EMSY: variants seen among roughly 807,000 people sequenced by gnomAD.
EMSY encodes EMSY transcriptional repressor, BRCA2 interacting.
A neutral mutation model predicts 134.6 loss-of-function variants in EMSY; 26 were observed. The observed-to-expected ratio is 0.19, with a 90% confidence interval of 0.14 to 0.27. EMSY has a LOEUF of 0.27. Ranked by LOEUF, EMSY falls within the 10% of genes least tolerant of loss-of-function variation. EMSY has a pLI of 1.00. For missense variants in EMSY, 1,305 were observed against 1,611.4 expected (o/e 0.81, Z 3.26); for synonymous variants, 579 against 577.8 (o/e 1.00, Z -0.03).
exon 21 of EMSY, chr11:76,550,305 T>TGG: frequency 2.1e-6 from 1 of 478,608 alleles, no homozygotes. Flanking sequence ...GAGCAGCTTT[T>TGG]TAAAACAAGA....
chr11:76,504,262 G>T (rs1333058835), intron 9 of EMSY, among the ~76,000 whole-genome samples: 1 of 149,824 alleles, frequency 6.7e-6, no homozygotes, highest in East Asian at 1.9e-4. Context: ...ACATGTACAT[G>T]TAAAATGGTA....
At chr11:76,532,351 G>GT (rs201396066) in intron 14 of EMSY, among the ~76,000 whole-genome samples, 1,748 of 132,254 alleles carry the variant, frequency 0.013, 8 homozygotes, top group African/African-American at 0.022. Context: ...AGTCCAAAAT[G>GT]TTTTTTTTTT....
chr11:76,518,703 A>ATATAT (rs57143914), intron 11 of EMSY, among the ~76,000 whole-genome samples: 58 of 130,194 alleles, frequency 4.5e-4, no homozygotes, highest in Middle Eastern at 4.1e-3. Flanking sequence ...ATATATATAT[A>ATATAT]TTTTTTTTTT....
At chr11:76,487,057 C>T (rs926491165) in intron 8 of EMSY, among the ~76,000 whole-genome samples, 3 of 152,170 alleles carry the variant, frequency 2.0e-5, no homozygotes, top group Non-Finnish European at 4.4e-5. Flanking sequence ...GCAGGCGGAT[C>T]ACTAGACCAG....
At chr11:76,538,292 G>A (rs1296326175) in intron 16 of EMSY, among the ~76,000 whole-genome samples, 7 of 152,062 alleles carry the variant, frequency 4.6e-5, no homozygotes, top group Admixed American at 3.3e-4. Flanking sequence ...AGGGTCTCAC[G>A]CCCATCGCTC....
At chr11:76,472,764 A>G in exon 8 of EMSY, 1 of 1,614,110 alleles carries the variant, frequency 6.2e-7, no homozygotes, top group Non-Finnish European at 8.5e-7. Context: ...CTACACCATC[A>G]CCTATTCCTA....
chr11:76,491,177 C>CTTTT (rs61688457), intron 8 of EMSY, among the ~76,000 whole-genome samples: 1 of 129,916 alleles, frequency 7.7e-6, no homozygotes, highest in Non-Finnish European at 1.6e-5. Flanking sequence ...CTTCTTTTTT[C>CTTTT]TTTTTTTTTT....
intron 15 of EMSY, 52 bp from the exon 17 acceptor site, chr11:76,537,743 T>C: frequency 1.3e-6 from 2 of 1,489,496 alleles, no homozygotes; most frequent in African/African-American, 1.4e-5. Context: ...AACTCTGGTT[T>C]TGGTACTTGT....
chr11:76,545,941 G>A (rs1462202297), exon 20 of EMSY: 3 of 1,614,166 alleles, frequency 1.9e-6, no homozygotes, highest in Non-Finnish European at 2.5e-6. Flanking sequence ...TCCCATTCAG[G>A]CCTCTGAGAA....
chr11:76,513,214 TAAGA>T (rs1950337380), intron 9 of EMSY, among the ~76,000 whole-genome samples, 168 bp from the exon 11 acceptor site: 1 of 152,152 alleles, frequency 6.6e-6, no homozygotes, highest in Admixed American at 6.6e-5. Flanking sequence ...AGAAATAAAC[TAAGA>T]AAGATAGGAA....
intron 8 of EMSY, among the ~76,000 whole-genome samples, chr11:76,483,376 A>G (rs1590858180): frequency 6.6e-6 from 1 of 152,222 alleles, no homozygotes; most frequent in Non-Finnish European, 1.5e-5. Flanking sequence ...TGGCATCATA[A>G]TGACAGGATC....
chr11:76,511,034 G>T (rs1018580344), intron 9 of EMSY, among the ~76,000 whole-genome samples: 1 of 152,098 alleles, frequency 6.6e-6, no homozygotes, highest in Non-Finnish European at 1.5e-5. Flanking sequence ...ATTTTTACCA[G>T]CTTCACTGGG....
chr11:76,445,456 G>C (rs1379531017), intron 1 of EMSY, among the ~76,000 whole-genome samples: 3 of 152,178 alleles, frequency 2.0e-5, no homozygotes, highest in Non-Finnish European at 2.9e-5. Flanking sequence ...ACAGCTACTG[G>C]CCCAGAGGGG....
intron 4 of EMSY, among the ~76,000 whole-genome samples, chr11:76,455,134 C>T (rs747151166): frequency 2.8e-4 from 42 of 152,054 alleles, no homozygotes; most frequent in Non-Finnish European, 5.3e-4. Context: ...TTGACCTCTC[C>T]CTTTCCCTCC....
At chr11:76,513,449 C>T (rs1264466945) in exon 10 of EMSY, 5 of 1,613,644 alleles carry the variant, frequency 3.1e-6, no homozygotes, top group Admixed American at 3.3e-5. Context: ...GTGACAGCAA[C>T]TCTACCCACC....
chr11:76,471,476 T>C (rs1948566439), intron 7 of EMSY, among the ~76,000 whole-genome samples: 1 of 152,214 alleles, frequency 6.6e-6, no homozygotes, highest in Non-Finnish European at 1.5e-5. Context: ...ATTGTCTTTT[T>C]CTGTTCCAGG....
chr11:76,544,890 C>T (rs552380265), intron 19 of EMSY, 68 bp downstream of exon 20: 14 of 1,491,952 alleles, frequency 9.4e-6, no homozygotes, highest in African/African-American at 1.4e-5. Context: ...GAGAACATCA[C>T]GACCCTATCA....
intron 8 of EMSY, among the ~76,000 whole-genome samples, chr11:76,489,693 C>T (rs867589598): frequency 9.2e-5 from 14 of 152,006 alleles, no homozygotes; most frequent in South Asian, 2.1e-4. Context: ...CAACCTCCAC[C>T]TCCTAGGTTC....
At chr11:76,535,625 G>A (rs1325008304) in intron 14 of EMSY, among the ~76,000 whole-genome samples, 1 of 152,076 alleles carries the variant, frequency 6.6e-6, no homozygotes, top group Non-Finnish European at 1.5e-5. Flanking sequence ...ATTATTCTGT[G>A]AGCTCCTTTA....
Sources: gnomAD v4.1 joint callset for allele counts (sites outside exome capture counted in the v4.1 genomes callset) on GRCh38, gnomAD v4.1.1 for gene constraint, MANE v1.5 for transcripts, NCBI Gene and HGNC (gene_info 2026-07-23, HGNC 2026-07-21) for gene names.